The following ZEB2 variants were observed in gnomAD, a reference collection of about 807,000 sequenced individuals.
ZEB2 encodes the protein zinc finger E-box binding homeobox 2, also known as zinc finger E-box-binding homeobox 2.
Under a neutral mutation model 99.9 loss-of-function variants are expected in ZEB2, and 6 were observed. The observed-to-expected ratio is 0.06, with a 90% CI of 0.03 to 0.12. ZEB2 has a LOEUF of 0.12. Ranked by LOEUF, ZEB2 falls within the 10% of genes least tolerant of loss-of-function variation. The pLI, the probability that ZEB2 is intolerant of heterozygous loss-of-function variation, is 1.00. For synonymous variants in ZEB2, 517 were observed against 542.5 expected (o/e 0.95, Z 0.65); for missense variants, 969 against 1,502.8 (o/e 0.64, Z 5.87).
intron 2 of ZEB2, among the ~76,000 whole-genome samples, chr2:144,439,919 A>G (rs148359603): frequency 1.7e-4 from 26 of 152,300 alleles, no homozygotes; most frequent in African/African-American, 6.3e-4. Flanking sequence ...TCCCCACCAG[A>G]ACTTTGAAAT....
chr2:144,468,634 TG>T (rs1704308054), intron 2 of ZEB2, among the ~76,000 whole-genome samples: 2 of 151,914 alleles, frequency 1.3e-5, no homozygotes, highest in South Asian at 4.2e-4. Flanking sequence ...TGTGCATGTG[TG>T]TGTACATGCA....
intron 2 of ZEB2, among the ~76,000 whole-genome samples, chr2:144,489,634 G>T (rs567272476): frequency 6.6e-6 from 1 of 152,162 alleles, no homozygotes; most frequent in Admixed American, 6.5e-5. Context: ...ATGTTGGAAC[G>T]GTGTAATTAT....
chr2:144,517,114 CCG>C (rs1252338337), intron 2 of ZEB2, among the ~76,000 whole-genome samples, 162 bp downstream of exon 2: 1 of 150,564 alleles, frequency 6.6e-6, no homozygotes, highest in South Asian at 2.1e-4. Flanking sequence ...GGTCCAGCCG[CCG>C]CGCGCGCCGG....
intron 2 of ZEB2, among the ~76,000 whole-genome samples, chr2:144,458,280 A>C (rs1704147995): frequency 6.6e-6 from 1 of 152,118 alleles, no homozygotes; most frequent in Non-Finnish European, 1.5e-5. Flanking sequence ...ACATCTTAAA[A>C]TTACCTAACT....
chr2:144,511,908 T>C (rs745749406), intron 2 of ZEB2: 2 of 1,287,256 alleles, frequency 1.6e-6, no homozygotes, highest in South Asian at 2.5e-5. Context: ...ATATTTGGGC[T>C]TATGTTAACA....
intron 2 of ZEB2, chr2:144,495,296 A>G (rs1370886934): frequency 3.3e-5 from 5 of 152,184 alleles, no homozygotes; most frequent in Admixed American, 6.5e-5. Flanking sequence ...GGAAAGAAAA[A>G]TCTTCAGTAT....
chr2:144,466,499 A>C (rs1465818990), intron 2 of ZEB2, among the ~76,000 whole-genome samples: 1 of 152,178 alleles, frequency 6.6e-6, no homozygotes, highest in Non-Finnish European at 1.5e-5. Flanking sequence ...ATAGAGAACT[A>C]CCATGGCCCA....
At chr2:144,424,674 T>C (rs1703666596) in intron 4 of ZEB2, 122 bp downstream of exon 4, 1 of 1,197,058 alleles carries the variant, frequency 8.4e-7, no homozygotes, top group South Asian at 1.2e-5. Context: ...CAGAGACCTG[T>C]AAAGTTGACT....
At chr2:144,508,120 T>A (rs987072730) in intron 2 of ZEB2, among the ~76,000 whole-genome samples, 4 of 152,222 alleles carry the variant, frequency 2.6e-5, no homozygotes, top group Admixed American at 2.0e-4. Context: ...AATTATTGGA[T>A]GATTTGGCAG....
At chr2:144,415,927 C>T (rs965389201) in intron 4 of ZEB2, among the ~76,000 whole-genome samples, 1 of 152,300 alleles carries the variant, frequency 6.6e-6, no homozygotes, top group Middle Eastern at 3.4e-3. Context: ...ACGCCTGTCC[C>T]ATGATTACAT....
chr2:144,405,350 T>G, intron 4 of ZEB2: 1 of 315,044 alleles, frequency 3.2e-6, no homozygotes. Flanking sequence ...AACTGCATTC[T>G]AAGATCCATA....
chr2:144,396,739 G>A, intron 8 of ZEB2, 147 bp from the exon 9 acceptor site: 2 of 816,766 alleles, frequency 2.4e-6, no homozygotes, highest in Non-Finnish European at 4.0e-6. Flanking sequence ...AACAATATAT[G>A]AGGTCTCAAT....
intron 2 of ZEB2, among the ~76,000 whole-genome samples, chr2:144,472,774 G>A (rs1409106102): frequency 6.6e-6 from 1 of 152,132 alleles, no homozygotes; most frequent in African/African-American, 2.4e-5. Flanking sequence ...TGTATACCAT[G>A]AGAAGAGTTT....
rs567229506 is a variant in ZEB2 at position 144,389,415 on chromosome 2, GA to G, written c.*35del. The G allele has an allele frequency of 7.5e-5, 118 of 1,580,884 alleles. No homozygotes were observed. Among genetic ancestry groups the G allele is most frequent in the Admixed American group, 6.4e-4 (38 of 59,660 alleles). The stretch of plus-strand genomic sequence containing the variant: ...TTTCAAGCAGGTAACAATACTACTG[GA>G]AAAAAAAATAGGAAGCTTAAAATGC... On this transcript the variant is annotated 3_prime_UTR_variant, in exon 10 of 10. Transcript: ENST00000627532. The surrounding 1 kb of genome is among the most constrained non-coding windows in gnomAD (Gnocchi z 6.8).
chr2:144,475,732 A>G (rs77121599), intron 2 of ZEB2, among the ~76,000 whole-genome samples: 2,491 of 152,306 alleles, frequency 0.016, 41 homozygotes, highest in Non-Finnish European at 0.024. Flanking sequence ...AGATTAGCAT[A>G]TGAAAAATGC....
intron 4 of ZEB2, among the ~76,000 whole-genome samples, chr2:144,420,746 G>A (rs910209164): frequency 6.6e-6 from 1 of 152,124 alleles, no homozygotes; most frequent in Non-Finnish European, 1.5e-5. Context: ...CTGGAAGAAA[G>A]GAGCTGGGGG....
chr2:144,400,373 T>C, intron 7 of ZEB2, 103 bp from the exon 8 acceptor site: 1 of 1,271,638 alleles, frequency 7.9e-7, no homozygotes, highest in East Asian at 2.5e-5. Flanking sequence ...AGGAACACAA[T>C]GGGGTACCTC....
chr2:144,519,245 C>A (rs1474238542), intron 1 of ZEB2: 1 of 152,164 alleles, frequency 6.6e-6, no homozygotes, highest in Non-Finnish European at 1.5e-5. Context: ...TGTAGTGCCC[C>A]CCCCTCCACT....
chr2:144,417,913 T>C (rs1703562084), intron 4 of ZEB2, among the ~76,000 whole-genome samples: 1 of 152,200 alleles, frequency 6.6e-6, no homozygotes. Flanking sequence ...AATTTATACA[T>C]GTATCAAAAC....
Sources: allele counts gnomAD v4.1 joint callset (sites outside exome capture counted in the v4.1 genomes callset), GRCh38; gene constraint gnomAD v4.1.1; non-coding constraint Gnocchi (gnomAD v3.1); transcripts MANE v1.5; gene names NCBI Gene and HGNC (gene_info 2026-07-23, HGNC 2026-07-21).